The following YAP1 variants were observed in gnomAD, a reference collection of about 807,000 sequenced individuals.
YAP1 encodes transcriptional coactivator YAP1.
A neutral mutation model predicts 56.9 loss-of-function variants in YAP1; 5 were observed. The ratio of observed to expected loss-of-function variants is 0.09; its 90% CI spans 0.05 to 0.18. The LOEUF (loss-of-function observed/expected upper bound fraction) is 0.18, where lower values mean the gene tolerates loss of function less well. Ranked by LOEUF, YAP1 falls within the 10% of genes least tolerant of loss-of-function variation. YAP1 has a pLI of 1.00. For synonymous variants in YAP1, 265 were observed against 248.1 expected, an observed-to-expected ratio of 1.07 and a Z score of -0.64; for missense variants, 539 against 651.8, an observed-to-expected ratio of 0.83 and a Z score of 1.88.
chr11:102,150,518 A>G (rs1348602664), intron 2 of YAP1, among the ~76,000 whole-genome samples: 4 of 152,160 alleles, frequency 2.6e-5, no homozygotes, highest in African/African-American at 4.8e-5. Context: ...GCATTATATA[A>G]TGTATGTGAT....
intron 8 of YAP1, among the ~76,000 whole-genome samples, chr11:102,228,472 T>TA (rs1419896483): frequency 6.6e-6 from 1 of 151,336 alleles, no homozygotes; most frequent in African/African-American, 2.4e-5. Context: ...CTGTCTCTAC[T>TA]AAAAATATAA....
chr11:102,119,715 T>C lies in YAP1; in HGVS notation c.572+5321T>C, dbSNP rs545760815. Among the ~76,000 whole-genome samples the C allele has an allele frequency of 1.5e-3, 229 of 152,184 alleles. 1 individual carries two copies. Among genetic ancestry groups the C allele is most frequent in the Non-Finnish European group, 1.8e-3 (124 of 68,012 alleles). Reference sequence around the variant, plus strand: ...AGTTATGTAGAGAAATATTTTACTTTGTAGTTAGAAAAATAATGTGAATTC... The same window carrying C: ...AGTTATGTAGAGAAATATTTTACTTCGTAGTTAGAAAAATAATGTGAATTC... On this transcript the variant is annotated intron_variant, in intron 2 of 8. Transcript: ENST00000282441.
At position 102,227,475 on chromosome 11, in the gene YAP1, C is replaced by T. The variant is rs1349670856; in HGVS notation, c.1170C>T (p.Thr390=). 5 of 1,612,342 alleles carry T rather than the reference C, an allele frequency of 3.1e-6. No homozygotes were observed. In the South Asian group the frequency reaches 5.5e-5, roughly 18 times the overall value. The change falls in exon 8 of 9, where the codon ACC becomes ACT. Residue 390 remains threonine, a synonymous_variant. Coordinates refer to ENST00000282441, the MANE Select transcript of YAP1 (RefSeq NM_001130145.3). ...AACTGTCATGTTTATGTAGTGGCAC[C>T]TATCACTCTCGAGATGAGAGTACAG... ...NSSDPFLNSG[T]YHSRDESTDS... is the part of the protein sequence containing the mutation.
At chr11:102,128,881 A>T (rs1944201305) in intron 2 of YAP1, among the ~76,000 whole-genome samples, 1 of 152,182 alleles carries the variant, frequency 6.6e-6, no homozygotes, top group Non-Finnish European at 1.5e-5. Context: ...GCTTTAAAGT[A>T]AAACAGCCTT....
intron 2 of YAP1, among the ~76,000 whole-genome samples, chr11:102,131,812 A>G (rs982767315): frequency 7.2e-5 from 11 of 152,178 alleles, no homozygotes; most frequent in African/African-American, 2.7e-4. Flanking sequence ...TCTGGATATA[A>G]AGTGACAGTA....
At chr11:102,204,229 G>GAAA (rs781528022) in intron 4 of YAP1, among the ~76,000 whole-genome samples, 7 of 116,010 alleles carry the variant, frequency 6.0e-5, no homozygotes, top group Non-Finnish European at 1.3e-4. Context: ...CAGAAAAGGG[G>GAAA]AAAAAAAAAA....
intron 2 of YAP1, among the ~76,000 whole-genome samples, chr11:102,132,474 T>A (rs1226354647): frequency 2.6e-5 from 4 of 152,258 alleles, no homozygotes; most frequent in African/African-American, 7.2e-5. Flanking sequence ...GAAAAGCCAT[T>A]TAATGACTTG....
intron 2 of YAP1, among the ~76,000 whole-genome samples, chr11:102,160,270 G>A (rs1359863336): frequency 1.3e-5 from 2 of 152,052 alleles, no homozygotes; most frequent in Non-Finnish European, 2.9e-5. Flanking sequence ...TGGTCCGCCC[G>A]CCTTGGCCTC....
chr11:102,217,006 G>A (rs1949701711), intron 6 of YAP1, among the ~76,000 whole-genome samples: 1 of 152,210 alleles, frequency 6.6e-6, no homozygotes, highest in Non-Finnish European at 1.5e-5. Context: ...TGGAGTCAGA[G>A]CTATCTACGC....
chr11:102,133,972 T>G (rs1286828670), intron 2 of YAP1, among the ~76,000 whole-genome samples: 1 of 152,198 alleles, frequency 6.6e-6, no homozygotes, highest in Non-Finnish European at 1.5e-5. Context: ...CACACTGTCA[T>G]GTCATTTTTT....
At chr11:102,114,039 T>C in intron 1 of YAP1, 105 bp from the exon 2 acceptor site, 2 of 1,245,994 alleles carry the variant, frequency 1.6e-6, no homozygotes, top group Non-Finnish European at 2.1e-6. Context: ...AAATTTTCCT[T>C]TGGTACTTAG....
At chr11:102,188,045 G>C (rs141953658) in intron 4 of YAP1, among the ~76,000 whole-genome samples, 16 of 152,192 alleles carry the variant, frequency 1.1e-4, no homozygotes, top group Non-Finnish European at 1.2e-4. Flanking sequence ...AGAAAAAAAC[G>C]TGTGGGTTTC....
At chr11:102,218,103 T>C (rs1949747734) in intron 6 of YAP1, among the ~76,000 whole-genome samples, 1 of 152,204 alleles carries the variant, frequency 6.6e-6, no homozygotes, top group South Asian at 2.1e-4. Flanking sequence ...CCGTTATATA[T>C]CAAAAAGCTT....
intron 7 of YAP1, among the ~76,000 whole-genome samples, chr11:102,226,577 CAG>C: frequency 6.6e-6 from 1 of 152,162 alleles, no homozygotes; most frequent in South Asian, 2.1e-4. Context: ...TAGTAGAACT[CAG>C]GGAATGCCAG....
chr11:102,223,538 T>C, intron 6 of YAP1, 84 bp from the exon 7 acceptor site: 1 of 1,457,466 alleles, frequency 6.9e-7, no homozygotes, highest in Non-Finnish European at 9.3e-7. Flanking sequence ...GCACGGTTAC[T>C]CTGATGAACG....
chr11:102,204,931 G>A (rs1011093156), intron 4 of YAP1, among the ~76,000 whole-genome samples: 1 of 152,088 alleles, frequency 6.6e-6, no homozygotes, highest in Non-Finnish European at 1.5e-5. Context: ...TAGTCAATGT[G>A]TACTAAACAT....
At position 102,186,062 on chromosome 11, in the gene YAP1, G is replaced by T. The variant is rs1947929167; in HGVS notation, c.733G>T (p.Glu245Ter). ...GGAACAAGCCATGACTCAGGATGGA[G>T]AAATTTACTATATAAACCATAAGAA... ...GWEQAMTQDG[E>*]IYYINHKNKT... is the part of the protein sequence containing the mutation. Residue 245 changes from glutamate to a stop codon, truncating the protein, a stop_gained, in exon 4 of 9, where the codon GAA (glutamate) becomes TAA (stop). Transcript: ENST00000282441. LOFTEE classifies it high-confidence loss of function. The T allele has an allele frequency of 6.2e-7, 1 of 1,611,170 alleles. No individual in the cohort carries two copies. Among genetic ancestry groups the T allele is most frequent in the Admixed American group, 1.7e-5 (1 of 59,808 alleles).
intron 4 of YAP1, among the ~76,000 whole-genome samples, chr11:102,190,749 C>T (rs1399169679): frequency 6.6e-6 from 1 of 152,170 alleles, no homozygotes; most frequent in African/African-American, 2.4e-5. Flanking sequence ...ACCAGCCTGG[C>T]CAACATGGTC....
chr11:102,112,991 GT>G (rs1271430552), intron 1 of YAP1, among the ~76,000 whole-genome samples: 6 of 151,708 alleles, frequency 4.0e-5, no homozygotes, highest in Non-Finnish European at 8.8e-5. Context: ...TTATAGTTTT[GT>G]TTGTTTTAAA....
Sources: gnomAD v4.1 joint callset for allele counts (sites outside exome capture counted in the v4.1 genomes callset) on GRCh38, gnomAD v4.1.1 for gene constraint, MANE v1.5 for transcripts, NCBI Gene and HGNC (gene_info 2026-07-23, HGNC 2026-07-21) for gene names.